Variants in TMEM45A observed in about 807,000 individuals in gnomAD.
The protein encoded by TMEM45A is transmembrane protein 45A, also known as DNA polymerase-transactivated protein 4.
Under a neutral mutation model 32.0 loss-of-function variants are expected in TMEM45A, and 25 were observed. The observed-to-expected ratio is 0.78, with a 90% CI of 0.57 to 1.09. The LOEUF (loss-of-function observed/expected upper bound fraction) is 1.09. TMEM45A is among the 50% of genes least tolerant of loss of function. The pLI, the probability that TMEM45A is intolerant of heterozygous loss-of-function variation, is 0.00. For missense variants in TMEM45A, 302 were observed against 325.0 expected, an observed-to-expected ratio of 0.93 and a Z score of 0.54; for synonymous variants, 122 against 114.8, an observed-to-expected ratio of 1.06 and a Z score of -0.40.
intron 4 of TMEM45A, among the ~76,000 whole-genome samples, chr3:100,561,740 G>T (rs1450160739): frequency 2.0e-5 from 3 of 152,114 alleles, no homozygotes; most frequent in Non-Finnish European, 4.4e-5. Flanking sequence ...CACCGCCCAG[G>T]TGCAGGGACA....
At chr3:100,538,728 G>A (rs765109405) in intron 1 of TMEM45A, among the ~76,000 whole-genome samples, 11 of 151,896 alleles carry the variant, frequency 7.2e-5, no homozygotes, top group Non-Finnish European at 1.3e-4. Flanking sequence ...TGTTTTAGGT[G>A]ACAAGATTAA....
intron 2 of TMEM45A, 136 bp from the exon 3 acceptor site, chr3:100,556,624 T>C (rs567266954): frequency 2.4e-6 from 2 of 842,632 alleles, no homozygotes; most frequent in Admixed American, 4.7e-5. Flanking sequence ...GCTCAGCTGT[T>C]AGGGAACAGC....
chr3:100,507,333 TC>T (rs772682479), intron 1 of TMEM45A, among the ~76,000 whole-genome samples: 1 of 152,190 alleles, frequency 6.6e-6, no homozygotes, highest in Non-Finnish European at 1.5e-5. Context: ...AATTTACAAA[TC>T]TTTTGGCTGC....
chr3:100,509,976 G>A (rs925774239), intron 1 of TMEM45A, among the ~76,000 whole-genome samples: 3 of 152,206 alleles, frequency 2.0e-5, no homozygotes, highest in South Asian at 2.1e-4. Context: ...CTACGCCCAC[G>A]GAGTCTTGCT....
In TMEM45A at chr3:100,567,854, G is replaced by A. The variant is rs562020846; in HGVS notation, c.589-968G>A. On this transcript the variant is annotated intron_variant, in intron 4 of 5. Coordinates refer to ENST00000323523, the MANE Select transcript of TMEM45A (RefSeq NM_018004.3). ...GGCTGGAGAGCAGTGGCACAATCTC[G>A]GCTCACTGCAAGCTCCGCCTCCTGG... 4.6e-5 allele frequency among the ~76,000 whole-genome samples: 7 copies of A among 151,976 alleles called. No individual in the cohort carries two copies. In the East Asian group the frequency reaches 9.7e-4, roughly 21 times the overall value.
At chr3:100,567,058 A>C (rs1179347662) in intron 4 of TMEM45A, among the ~76,000 whole-genome samples, 1 of 152,058 alleles carries the variant, frequency 6.6e-6, no homozygotes, top group South Asian at 2.1e-4. Context: ...AAAATCAACA[A>C]ATTTCAAGTG....
chr3:100,546,468 C>CA (rs376670816), intron 1 of TMEM45A, among the ~76,000 whole-genome samples: 338 of 152,340 alleles, frequency 2.2e-3, no homozygotes, highest in African/African-American at 7.7e-3. Flanking sequence ...TGTGAAGCAA[C>CA]ATGTACCTTG....
chr3:100,530,095 C>T (rs964708252), intron 1 of TMEM45A, among the ~76,000 whole-genome samples: 1 of 152,090 alleles, frequency 6.6e-6, no homozygotes, highest in African/African-American at 2.4e-5. Flanking sequence ...TACTGATTAC[C>T]CCGTTTCAAC....
intron 1 of TMEM45A, among the ~76,000 whole-genome samples, chr3:100,534,805 A>T (rs1705711497): frequency 6.6e-6 from 1 of 152,228 alleles, no homozygotes; most frequent in African/African-American, 2.4e-5. Context: ...GGCTGTGAAT[A>T]ATTCTGGCAA....
intron 1 of TMEM45A, among the ~76,000 whole-genome samples, chr3:100,553,562 G>T (rs75351456): frequency 0.097 from 14,692 of 152,110 alleles, 2,387 homozygotes; most frequent in African/African-American, 0.33. Flanking sequence ...AAGTTTTCTC[G>T]ATCCCATATG....
rs969443984 is a variant in TMEM45A, at chr3:100,519,741, G to C, written c.-4+26813G>C. On this transcript the variant is annotated intron_variant, in intron 1 of 5. Coordinates refer to ENST00000323523, the MANE Select transcript of TMEM45A (RefSeq NM_018004.3). Reference sequence around the variant, plus strand: ...ACATTGTGCAAGTAACTTATTGTGGGTTGTGGCTGATCAAGGCAAAGTTAA... The same window carrying C: ...ACATTGTGCAAGTAACTTATTGTGGCTTGTGGCTGATCAAGGCAAAGTTAA... 11 of 932,946 alleles carry C rather than the reference G, an allele frequency of 1.2e-5. No individual in the cohort carries two copies. The African/African-American group carries it at 1.6e-4, about 14-fold the overall frequency. The allele number at this position is 932,946 out of a possible 1,614,324, so 57.8% of individuals were successfully genotyped here. A position where few individuals can be genotyped will look rare whatever the true frequency, so the allele number is the denominator to read the frequency against.
rs73860682 is a variant in TMEM45A at position 100,504,571 on chromosome 3, G to A, written c.-4+11643G>A. Among the ~76,000 whole-genome samples, 1,307 of 152,204 alleles carry A rather than the reference G, an allele frequency of 8.6e-3. 22 individuals are homozygous for A. The highest frequency in any genetic ancestry group is 0.03 in the African/African-American group (1,242 of 41,522). Reference sequence around the variant, plus strand: ...AAATAAAATCCAGATATTTACCAACGGCCCAAAAGTCCCTGGGTCATCTGG... The same window carrying A: ...AAATAAAATCCAGATATTTACCAACAGCCCAAAAGTCCCTGGGTCATCTGG... On this transcript the variant is annotated intron_variant, in intron 1 of 5. Coordinates refer to ENST00000323523, the MANE Select transcript of TMEM45A (RefSeq NM_018004.3).
At chr3:100,539,038 A>G (rs1417227560) in intron 1 of TMEM45A, among the ~76,000 whole-genome samples, 3 of 152,206 alleles carry the variant, frequency 2.0e-5, no homozygotes, top group Non-Finnish European at 2.9e-5. Context: ...CAACTGATCT[A>G]TAGATTCAAT....
intron 1 of TMEM45A, among the ~76,000 whole-genome samples, chr3:100,527,937 C>T (rs1170151432): frequency 1.3e-5 from 2 of 152,164 alleles, no homozygotes; most frequent in African/African-American, 4.8e-5. Context: ...AAATCTTCAC[C>T]CTGAGCTGTT....
chr3:100,525,958 A>C (rs942998183), intron 1 of TMEM45A, among the ~76,000 whole-genome samples: 1 of 152,018 alleles, frequency 6.6e-6, no homozygotes, highest in Admixed American at 6.6e-5. Context: ...TTCTTCCTTC[A>C]TGGTGGGTAG....
At chr3:100,519,381 GTGTGCA>G in intron 1 of TMEM45A, 1 of 580,292 alleles carries the variant, frequency 1.7e-6, no homozygotes, top group Non-Finnish European at 3.0e-6. Context: ...GTGTGTGTGT[GTGTGCA>G]TGTGTGTGTG....
intron 1 of TMEM45A, among the ~76,000 whole-genome samples, chr3:100,547,597 G>C (rs573148609): frequency 6.6e-6 from 1 of 152,066 alleles, no homozygotes; most frequent in Admixed American, 6.6e-5. Context: ...AGGAGGAAAA[G>C]GAGGGGTTGA....
At chr3:100,541,473 A>G (rs1231045402) in intron 1 of TMEM45A, among the ~76,000 whole-genome samples, 2 of 147,032 alleles carry the variant, frequency 1.4e-5, no homozygotes, top group Non-Finnish European at 3.0e-5. Flanking sequence ...TTACATTTAA[A>G]TCTTTAATCC....
At position 100,519,485 on chromosome 3, in the gene TMEM45A, A is replaced by C. The variant is rs188238349; in HGVS notation, c.-4+26557A>C. The C allele has an allele frequency of 1.7e-4, 242 of 1,417,724 alleles. No individual in the cohort carries two copies. In the African/African-American group the frequency reaches 3.0e-3, roughly 17 times the overall value. 87.8% of individuals were successfully genotyped at this position (1,417,724 alleles called of 1,614,324 possible). A position where few individuals can be genotyped will look rare whatever the true frequency, so the allele number is the denominator to read the frequency against. ...AGAAACTTTTCAGCATTACCTAAGA[A>C]GCAAAGGCTCAATTTTGGCTGCTTC... On this transcript the variant is annotated intron_variant, in intron 1 of 5. Coordinates refer to ENST00000323523, the MANE Select transcript of TMEM45A (RefSeq NM_018004.3).
Sources: gnomAD v4.1 joint callset for allele counts (sites outside exome capture counted in the v4.1 genomes callset) on GRCh38, gnomAD v4.1.1 for gene constraint, MANE v1.5 for transcripts, NCBI Gene and HGNC (gene_info 2026-07-23, HGNC 2026-07-21) for gene names.